The following ATP2C2 variants were observed in gnomAD, a reference collection of about 807,000 sequenced individuals.
The protein encoded by ATP2C2 is calcium-transporting ATPase type 2C member 2.
Under a neutral mutation model 110.8 loss-of-function variants are expected in ATP2C2, and 171 were observed. That is an observed-to-expected ratio of 1.54 (90% CI 1.36 to 1.75). ATP2C2 has a LOEUF of 1.75. ATP2C2 is among the 40% of genes most tolerant of loss of function. The pLI, the probability that ATP2C2 is intolerant of heterozygous loss-of-function variation, is 0.00. For synonymous variants in ATP2C2, 804 were observed against 508.4 expected (o/e 1.58, Z -7.82); for missense variants, 1,963 against 1,235.0 (o/e 1.59, Z -8.84).
chr16:84,437,833 G>T (rs376132903), intron 11 of ATP2C2, among the ~76,000 whole-genome samples: 1 of 152,134 alleles, frequency 6.6e-6, no homozygotes, highest in African/African-American at 2.4e-5. Context: ...TTTTCTTATC[G>T]CCTCAAAAAG....
intron 13 of ATP2C2, among the ~76,000 whole-genome samples, chr16:84,440,309 C>T (rs188083860): frequency 6.6e-6 from 1 of 152,238 alleles, no homozygotes; most frequent in South Asian, 2.1e-4. Flanking sequence ...TAATTGGAAG[C>T]TCTCTGAATG....
At chr16:84,381,325 C>G (rs1364511675) in intron 1 of ATP2C2, among the ~76,000 whole-genome samples, 2 of 152,128 alleles carry the variant, frequency 1.3e-5, no homozygotes, top group African/African-American at 4.8e-5. Context: ...TCAGTTACTT[C>G]AGGCCATCTG....
chr16:84,426,790 C>T (rs1907849973), intron 11 of ATP2C2, among the ~76,000 whole-genome samples: 1 of 152,088 alleles, frequency 6.6e-6, no homozygotes, highest in South Asian at 2.1e-4. Context: ...AGCCCAAGGC[C>T]ACACGCGGAC....
chr16:84,402,202 G>A (rs1905370298), intron 2 of ATP2C2, among the ~76,000 whole-genome samples: 1 of 152,126 alleles, frequency 6.6e-6, no homozygotes, highest in South Asian at 2.1e-4. Flanking sequence ...TTTTGTTTAT[G>A]AGTTCTAATA....
chr16:84,429,606 C>T lies in ATP2C2; in HGVS notation c.986+3805C>T, dbSNP rs181021609. Among the ~76,000 whole-genome samples, 15 of 152,198 alleles carry T rather than the reference C, an allele frequency of 9.9e-5. No individual in the cohort carries two copies. The East Asian group carries it at 2.9e-3, about 29-fold the overall frequency. ...GTGAACAAGACAGTCATGGTTCCCACCTTCAAAGATTGTAGGTCTCAGTGG... is the reference window on the plus strand; with the variant it reads ...GTGAACAAGACAGTCATGGTTCCCATCTTCAAAGATTGTAGGTCTCAGTGG... On this transcript the variant is annotated intron_variant, in intron 11 of 26. Coordinates refer to ENST00000262429, the MANE Select transcript of ATP2C2 (RefSeq NM_014861.4).
In ATP2C2 at chr16:84,425,410, A is replaced by G. The variant is rs192155684; in HGVS notation, c.920-325A>G. 3.3e-5 allele frequency among the ~76,000 whole-genome samples: 5 copies of G among 152,298 alleles called. No homozygotes were observed. The East Asian group carries it at 5.8e-4, about 18-fold the overall frequency. ...TTGCATTTGCCACAACAAACACCAC[A>G]TGGGGGGATGTTCTGGATACACGCA... On this transcript the variant is annotated intron_variant, in intron 10 of 26. Coordinates refer to ENST00000262429, the MANE Select transcript of ATP2C2 (RefSeq NM_014861.4).
intron 6 of ATP2C2, among the ~76,000 whole-genome samples, chr16:84,411,947 T>G (rs901276282): frequency 2.0e-5 from 3 of 151,222 alleles, no homozygotes; most frequent in Non-Finnish European, 4.4e-5. Context: ...TCTTTTCTTT[T>G]CTTTCTTTTC....
At position 84,423,208 on chromosome 16, in the gene ATP2C2, G is replaced by A. The variant is rs932923262; in HGVS notation, c.864G>A (p.Gln288=). The A allele has an allele frequency of 6.2e-7, 1 of 1,614,028 alleles. No homozygotes were observed. The highest frequency in any genetic ancestry group is 8.5e-7 in the Non-Finnish European group (1 of 1,180,020). Residue 288 remains glutamine, a synonymous_variant, in exon 10 of 27, where the codon CAG becomes CAA. Coordinates refer to ENST00000262429, the MANE Select transcript of ATP2C2 (RefSeq NM_014861.4). Reference sequence around the variant, plus strand: ...TTCAGACACCTAAAACTCCTTTGCAGAAAAGCATGGACAGGCTAGGAAAGC... The same window carrying A: ...TTCAGACACCTAAAACTCCTTTGCAAAAAAGCATGGACAGGCTAGGAAAGC... ...QAEETPKTPL[Q]KSMDRLGKQL... is the part of the protein sequence containing the mutation.
chr16:84,408,316 C>G, intron 3 of ATP2C2, 89 bp from the exon 4 acceptor site: 1 of 1,269,302 alleles, frequency 7.9e-7, no homozygotes, highest in African/African-American at 1.5e-5. Context: ...TGAACTGAGA[C>G]CCCTGTCACA....
intron 1 of ATP2C2, among the ~76,000 whole-genome samples, chr16:84,389,877 C>T (rs778820505): frequency 3.3e-5 from 5 of 152,118 alleles, no homozygotes; most frequent in Non-Finnish European, 7.3e-5. Context: ...TGTGCTATCA[C>T]GTTTGGCTAA....
rs886549099 is a variant in ATP2C2 at position 84,447,772 on chromosome 16, A to G, written c.1504-761A>G. Among the ~76,000 whole-genome samples, 7 of 145,668 alleles carry G rather than the reference A, an allele frequency of 4.8e-5. No homozygotes were observed. In the Admixed American group the frequency reaches 4.8e-4, roughly 10 times the overall value. ...TATATAATATACATATAAATAATAT[A>G]ATGTAATATAATACATATAAATAAT... On this transcript the variant is annotated intron_variant, in intron 16 of 26. Coordinates refer to ENST00000262429, the MANE Select transcript of ATP2C2 (RefSeq NM_014861.4).
At position 84,461,578 on chromosome 16, in the gene ATP2C2, CTGTG is replaced by C. The variant is rs1182716737; in HGVS notation, c.2482-133_2482-130del. 3.9e-6 allele frequency: 3 copies of C among 778,362 alleles called. No individual in the cohort carries two copies. In the African/African-American group the frequency reaches 5.1e-5, roughly 13 times the overall value. The allele number at this position is 778,362 out of a possible 1,614,324, so 48.2% of individuals were successfully genotyped here. ...CCACTGACCTCACACCTGGAGGAAG[CTGTG>C]TGACCGATTCATGAGCTTGTAAGTG... On this transcript the variant is annotated intron_variant, in intron 24 of 26. Transcript: ENST00000262429.
intron 1 of ATP2C2, among the ~76,000 whole-genome samples, chr16:84,393,300 G>A (rs1469506817): frequency 6.6e-6 from 1 of 152,188 alleles, no homozygotes; most frequent in African/African-American, 2.4e-5. Flanking sequence ...GAGATGAGGG[G>A]GGTGCCCAGG....
rs555278468 is a variant in ATP2C2, at chr16:84,446,245, C to T, written c.1402-84C>T. The stretch of plus-strand genomic sequence containing the variant: ...TCTTATCTGCCAGAGGTGGTTTGAA[C>T]AATGAATAATTTAAATGGACTGAGC... On this transcript the variant is annotated intron_variant, in intron 15 of 26. Transcript: ENST00000262429. 9.7e-5 allele frequency: 70 copies of T among 725,340 alleles called. No individual in the cohort carries two copies. The African/African-American group carries it at 9.7e-4, about 10-fold the overall frequency. The allele number at this position is 725,340 out of a possible 1,614,324, so 44.9% of individuals were successfully genotyped here. A position where few individuals can be genotyped will look rare whatever the true frequency, so the allele number is the denominator to read the frequency against.
chr16:84,443,268 G>T (rs1199275953), intron 15 of ATP2C2, among the ~76,000 whole-genome samples: 2 of 152,190 alleles, frequency 1.3e-5, no homozygotes, highest in Non-Finnish European at 2.9e-5. Flanking sequence ...AAGGAAGGAA[G>T]AAGGTGGCCC....
chr16:84,387,526 A>G (rs1260040236), intron 1 of ATP2C2, among the ~76,000 whole-genome samples: 2 of 152,134 alleles, frequency 1.3e-5, no homozygotes, highest in African/African-American at 4.8e-5. Context: ...AAAACAAGAA[A>G]GATCAAACTG....
intron 2 of ATP2C2, among the ~76,000 whole-genome samples, chr16:84,399,009 G>C (rs933690637): frequency 9.9e-5 from 15 of 152,224 alleles, no homozygotes; most frequent in African/African-American, 3.6e-4. Flanking sequence ...TTGGTCATCC[G>C]GTATTCCCAC....
chr16:84,395,959 C>T (rs890527207), intron 1 of ATP2C2, among the ~76,000 whole-genome samples: 1 of 152,164 alleles, frequency 6.6e-6, no homozygotes, highest in Admixed American at 6.5e-5. Flanking sequence ...CCCAAAGAGA[C>T]TCTGTAGTCA....
chr16:84,402,010 C>G (rs982656662), intron 2 of ATP2C2, among the ~76,000 whole-genome samples: 2 of 152,080 alleles, frequency 1.3e-5, no homozygotes, highest in Admixed American at 1.3e-4. Context: ...TTTCTTGCAT[C>G]AATGTTTTAT....
Sources: allele counts gnomAD v4.1 joint callset (sites outside exome capture counted in the v4.1 genomes callset), GRCh38; gene constraint gnomAD v4.1.1; transcripts MANE v1.5; gene names NCBI Gene and HGNC (gene_info 2026-07-23, HGNC 2026-07-21).